Variants in NDUFAF5 observed in about 807,000 individuals in gnomAD.
The protein encoded by NDUFAF5 is NADH:ubiquinone oxidoreductase complex assembly factor 5.
NDUFAF5 carries 34 observed loss-of-function variants against 48.9 expected under a neutral mutation model. The ratio of observed to expected loss-of-function variants is 0.70; its 90% confidence interval spans 0.53 to 0.93. The LOEUF is 0.93. NDUFAF5 is among the 40% of genes least tolerant of loss of function. The pLI is 0.00. For synonymous variants in NDUFAF5, 153 were observed against 150.6 expected (o/e 1.02, Z -0.12); for missense variants, 428 against 427.5 (o/e 1.00, Z -0.01).
intron 5 of NDUFAF5, among the ~76,000 whole-genome samples, chr20:13,796,668 G>A (rs1448708706): frequency 6.6e-6 from 1 of 152,096 alleles, no homozygotes; most frequent in African/African-American, 2.4e-5. Context: ...TACACTCTAG[G>A]TGAGAGTAGG....
chr20:13,809,783 G>A (rs1985599103), intron 8 of NDUFAF5, among the ~76,000 whole-genome samples: 1 of 152,198 alleles, frequency 6.6e-6, no homozygotes, highest in Admixed American at 6.5e-5. Flanking sequence ...CTAAGGTGGT[G>A]GCAATGGAGA....
At position 13,785,163 on chromosome 20, in the gene NDUFAF5, G is replaced by A; in HGVS notation, c.95G>A (p.Gly32Asp). 1 of 1,614,002 alleles carries A rather than the reference G, an allele frequency of 6.2e-7. No individual in the cohort carries two copies. The highest frequency in any genetic ancestry group is 8.5e-7 in the Non-Finnish European group (1 of 1,179,982). The change falls in exon 1 of 11, where the codon GGT (glycine) becomes GAT (aspartate). Residue 32 changes from glycine (G) to aspartate (D), a missense_variant. Physicochemically the swap from Gly to Asp is moderately conservative, Grantham distance 94. Coordinates refer to ENST00000378106, the MANE Select transcript of NDUFAF5 (RefSeq NM_024120.5). ...ENLGRREVTS[G>D]VSPRGSTSPR... ...CTTGGCCGTAGGGAAGTCACCTCTG[G>A]TGTCTCTCCCCGCGGTAGCACCTCG...
chr20:13,793,770 T>C (rs983175221), intron 4 of NDUFAF5, among the ~76,000 whole-genome samples: 1 of 152,236 alleles, frequency 6.6e-6, no homozygotes, highest in African/African-American at 2.4e-5. Flanking sequence ...AATTTATGGA[T>C]TCATTTTGAT....
intron 8 of NDUFAF5, chr20:13,814,314 T>A: frequency 2.0e-6 from 1 of 510,110 alleles, no homozygotes; most frequent in Non-Finnish European, 3.5e-6. Context: ...GACTAGAAGA[T>A]CATGTTACTT....
Position 13,818,680 on chromosome 20 carries a change from A to G in NDUFAF5, c.*1470A>G, listed in dbSNP as rs376561178. The G allele has an allele frequency of 7.0e-5, 12 of 170,748 alleles. No homozygotes were observed. The South Asian group carries it at 1.7e-3, about 24-fold the overall frequency. The allele number at this position is 170,748 out of a possible 1,614,324, so 10.6% of individuals were successfully genotyped here. A position where few individuals can be genotyped will look rare whatever the true frequency, so the allele number is the denominator to read the frequency against. On this transcript the variant is annotated 3_prime_UTR_variant, in exon 11 of 11. Coordinates refer to ENST00000378106, the MANE Select transcript of NDUFAF5 (RefSeq NM_024120.5). ...CAAAAACCCTGTGTTTTAAAGTGCA[A>G]ACTGATGATGGAGGAATGGGTAAAT...
At chr20:13,800,722 AACT>A (rs1349577752) in intron 6 of NDUFAF5, among the ~76,000 whole-genome samples, 2 of 152,208 alleles carry the variant, frequency 1.3e-5, no homozygotes, top group Non-Finnish European at 1.5e-5. Context: ...TTAAAACAAC[AACT>A]ATGTAGCCCA....
At chr20:13,785,490 T>C (rs1980889297) in intron 1 of NDUFAF5, among the ~76,000 whole-genome samples, 200 bp downstream of exon 1, 1 of 152,222 alleles carries the variant, frequency 6.6e-6, no homozygotes, top group South Asian at 2.1e-4. Context: ...ATTCATGCAT[T>C]CATTTCGGCA....
intron 8 of NDUFAF5, chr20:13,809,149 C>T: frequency 1.8e-6 from 1 of 541,702 alleles, no homozygotes. Context: ...ATGGTCAGTG[C>T]TATGAAGTAG....
chr20:13,816,382 T>TG lies in NDUFAF5; in HGVS notation c.779-80dup. ...GAATGAGGACAGGTATACTGTTAGA[T>TG]GAGACGGGATTAAGTCTGTGGTATT... is the stretch of plus-strand genomic sequence containing the variant. On this transcript the variant is annotated intron_variant, in intron 8 of 10. Coordinates refer to ENST00000378106, the MANE Select transcript of NDUFAF5 (RefSeq NM_024120.5). 4.4e-6 allele frequency: 4 copies of TG among 916,560 alleles called. No homozygotes were observed. In the South Asian group the frequency reaches 5.2e-5, roughly 12 times the overall value. 56.8% of individuals were successfully genotyped at this position (916,560 alleles called of 1,614,324 possible). A position where few individuals can be genotyped will look rare whatever the true frequency, so the allele number is the denominator to read the frequency against.
chr20:13,790,357 A>G (rs1982075576), intron 3 of NDUFAF5, among the ~76,000 whole-genome samples: 1 of 152,148 alleles, frequency 6.6e-6, no homozygotes, highest in African/African-American at 2.4e-5. Context: ...AAACATTTTT[A>G]TTGATTCCTC....
intron 7 of NDUFAF5, 22 bp downstream of exon 7, chr20:13,801,705 C>A: frequency 6.3e-7 from 1 of 1,593,260 alleles, no homozygotes; most frequent in Non-Finnish European, 8.6e-7. Context: ...GTTCGATTAA[C>A]CCATAACTTA....
At chr20:13,803,565 A>G (rs975989922) in intron 7 of NDUFAF5, 3 of 152,176 alleles carry the variant, frequency 2.0e-5, no homozygotes, top group African/African-American at 4.8e-5. Flanking sequence ...CTTGAGAGTA[A>G]GAGTTCTCAA....
At chr20:13,807,669 C>T (rs4814261) in intron 7 of NDUFAF5, among the ~76,000 whole-genome samples, 25,902 of 151,624 alleles carry the variant, frequency 0.17, 2,900 homozygotes, top group East Asian at 0.43. Context: ...TCCAGCCAGG[C>T]GCCATGGCCC....
chr20:13,804,123 G>GC (rs1453210118), intron 7 of NDUFAF5, among the ~76,000 whole-genome samples: 1 of 152,162 alleles, frequency 6.6e-6, no homozygotes, highest in African/African-American at 2.4e-5. Flanking sequence ...AGGGAAGAAT[G>GC]ACATTGCTTC....
chr20:13,814,627 G>A (rs1230338804), intron 8 of NDUFAF5: 1 of 493,390 alleles, frequency 2.0e-6, no homozygotes, highest in Admixed American at 2.8e-5. Flanking sequence ...CACTGTGAGA[G>A]TCTTAAACAG....
intron 7 of NDUFAF5, chr20:13,803,074 A>G (rs981156915): frequency 6.6e-6 from 1 of 152,250 alleles, no homozygotes; most frequent in Non-Finnish European, 1.5e-5. Flanking sequence ...GCTGTTTGGC[A>G]TGATTTTGTG....
chr20:13,810,996 A>G (rs1985785976), intron 8 of NDUFAF5, among the ~76,000 whole-genome samples: 1 of 152,196 alleles, frequency 6.6e-6, no homozygotes, highest in Non-Finnish European at 1.5e-5. Context: ...TGAACTGACC[A>G]TCAACAGGAG....
intron 3 of NDUFAF5, among the ~76,000 whole-genome samples, chr20:13,789,426 A>C (rs149727412): frequency 0.016 from 2,387 of 151,814 alleles, 72 homozygotes; most frequent in African/African-American, 0.055. Flanking sequence ...CGGCATCCCA[A>C]AGCGCTGGGA....
At chr20:13,786,683 G>A (rs1981201523) in intron 1 of NDUFAF5, among the ~76,000 whole-genome samples, 1 of 152,098 alleles carries the variant, frequency 6.6e-6, no homozygotes, top group African/African-American at 2.4e-5. Flanking sequence ...TGGAATGTGG[G>A]GAATACTAGA....
Sources: gnomAD v4.1 joint callset for allele counts (sites outside exome capture counted in the v4.1 genomes callset) on GRCh38, gnomAD v4.1.1 for gene constraint, MANE v1.5 for transcripts, NCBI Gene and HGNC (gene_info 2026-07-23, HGNC 2026-07-21) for gene names.